The following CSMD2 variants were observed in gnomAD, a reference collection of about 807,000 sequenced individuals.
CSMD2 encodes CUB and Sushi multiple domains 2.
Under a neutral mutation model 398.5 loss-of-function variants are expected in CSMD2, and 130 were observed. The ratio of observed to expected loss-of-function variants is 0.33; its 90% confidence interval spans 0.28 to 0.38. The LOEUF is 0.38. Among genes scored for constraint, CSMD2 ranks in the 10% least tolerant of loss-of-function variants. The probability of loss-of-function intolerance (pLI) is 1.00; values close to 1 mark genes in which losing one functional copy is unlikely to be tolerated. For synonymous variants in CSMD2, 1,828 were observed against 1,908.5 expected, an observed-to-expected ratio of 0.96 and a Z score of 1.10; for missense variants, 3,829 against 4,764.9, an observed-to-expected ratio of 0.80 and a Z score of 5.78.
chr1:33,646,406 T>C (rs1345576202), intron 29 of CSMD2, among the ~76,000 whole-genome samples: 1 of 152,096 alleles, frequency 6.6e-6, no homozygotes, highest in East Asian at 1.9e-4. Flanking sequence ...TGGTTGGAAA[T>C]AGATGAGGTG....
intron 1 of CSMD2, among the ~76,000 whole-genome samples, chr1:34,094,205 T>C (rs1658991990): frequency 6.6e-6 from 1 of 151,098 alleles, no homozygotes; most frequent in Non-Finnish European, 1.5e-5. Context: ...GACAAGCAAA[T>C]GCTGAGAGAT....
rs1013346682 is a variant in CSMD2, at chr1:34,156,668, G to A, written c.187+8243C>T. Among the ~76,000 whole-genome samples the A allele has an allele frequency of 2.0e-5, 3 of 152,162 alleles. 1 individual carries two copies. The highest frequency in any genetic ancestry group is 4.4e-5 in the Non-Finnish European group (3 of 68,032). Reference sequence around the variant, plus strand: ...ATTAGCAGGTAGGAAGGCTATTTGTGTTGCAATATAAGCCCTTATTTTCTG... The same window carrying A: ...ATTAGCAGGTAGGAAGGCTATTTGTATTGCAATATAAGCCCTTATTTTCTG... On this transcript the variant is annotated intron_variant, in intron 1 of 70. Coordinates refer to ENST00000373381, the MANE Select transcript of CSMD2 (RefSeq NM_001281956.2).
chr1:33,788,456 T>C (rs550178993), intron 12 of CSMD2, 144 bp downstream of exon 12: 10 of 574,366 alleles, frequency 1.7e-5, no homozygotes, highest in Non-Finnish European at 2.7e-5. Flanking sequence ...TGTAGTGAGC[T>C]AAGATCGTGC....
chr1:34,093,497 T>G (rs2148384371), intron 1 of CSMD2, among the ~76,000 whole-genome samples: 1 of 151,854 alleles, frequency 6.6e-6, no homozygotes, highest in East Asian at 1.9e-4. Flanking sequence ...GGCAAAGGAG[T>G]TGAAAACTTT....
rs1027351237 is a variant in CSMD2 at position 33,610,722 on chromosome 1, G to T, written c.6343+319C>A. On this transcript the variant is annotated intron_variant, in intron 41 of 70. Transcript: ENST00000373381. ...GTAATTCAGTTTATCAAGCCCGAGG[G>T]GAAGTGACTGGCTGGACAGTTTGGG... 5.3e-5 allele frequency among the ~76,000 whole-genome samples: 8 copies of T among 152,346 alleles called. No homozygotes were observed. In the South Asian group the frequency reaches 6.2e-4, roughly 12 times the overall value.
At chr1:33,658,428 G>A (rs971276011) in intron 26 of CSMD2, among the ~76,000 whole-genome samples, 1 of 152,320 alleles carries the variant, frequency 6.6e-6, no homozygotes. Context: ...GATGCTATGA[G>A]TTAAGCATGA....
intron 25 of CSMD2, 32 bp from the exon 26 acceptor site, chr1:33,663,124 G>C (rs1644194098): frequency 3.2e-6 from 5 of 1,585,412 alleles, no homozygotes; most frequent in Non-Finnish European, 4.3e-6. Context: ...TGGTCATCTG[G>C]ACTCAGCCCT....
chr1:33,943,925 T>TAC (rs57400434), intron 3 of CSMD2, among the ~76,000 whole-genome samples: 5,309 of 144,304 alleles, frequency 0.037, 108 homozygotes, highest in Non-Finnish European at 0.046. Context: ...TAATCAGAAT[T>TAC]ACACACACAC....
intron 2 of CSMD2, among the ~76,000 whole-genome samples, chr1:34,082,358 C>T (rs1374540515): frequency 3.3e-5 from 5 of 151,758 alleles, no homozygotes; most frequent in African/African-American, 1.2e-4. Flanking sequence ...GCCCAGCAGC[C>T]GCCCCGTCTG....
At chr1:34,150,080 T>G (rs1159140852) in intron 1 of CSMD2, among the ~76,000 whole-genome samples, 1 of 126,612 alleles carries the variant, frequency 7.9e-6, no homozygotes, top group African/African-American at 3.2e-5. Flanking sequence ...TTCTTCTTTC[T>G]TTTTTTTTTG....
At chr1:33,904,975 G>GTT (rs35018321) in intron 5 of CSMD2, among the ~76,000 whole-genome samples, 17 of 146,000 alleles carry the variant, frequency 1.2e-4, no homozygotes, top group South Asian at 4.4e-4. Context: ...ATATTTTTCC[G>GTT]TTTTTTTTTT....
At chr1:33,857,962 T>C (rs1009634087) in intron 5 of CSMD2, among the ~76,000 whole-genome samples, 1 of 152,058 alleles carries the variant, frequency 6.6e-6, no homozygotes, top group Admixed American at 6.5e-5. Context: ...CAACCCAGAG[T>C]TGGTCTTGTT....
At chr1:33,569,200 G>A (rs746917724) in intron 52 of CSMD2, among the ~76,000 whole-genome samples, 174 bp downstream of exon 52, 2 of 152,180 alleles carry the variant, frequency 1.3e-5, no homozygotes, top group Non-Finnish European at 2.9e-5. Context: ...TGGCCCAGGA[G>A]AAGCTGTTCC....
intron 24 of CSMD2, among the ~76,000 whole-genome samples, chr1:33,694,107 A>G (rs115663227): frequency 0.026 from 3,891 of 152,276 alleles, 134 homozygotes; most frequent in African/African-American, 0.081. Flanking sequence ...AAGGCTTGCT[A>G]CATGCTACAA....
At chr1:33,576,566 G>A (rs1638257970) in intron 49 of CSMD2, among the ~76,000 whole-genome samples, 1 of 152,154 alleles carries the variant, frequency 6.6e-6, no homozygotes, top group Non-Finnish European at 1.5e-5. Context: ...ACTCCAGCCT[G>A]GGCGACAGAG....
rs1445568832 is a variant in CSMD2, at chr1:34,165,139, C to G, written c.-42G>C. The G allele has an allele frequency of 1.7e-6, 2 of 1,209,990 alleles. No homozygotes were observed. Among genetic ancestry groups the G allele is most frequent in the Non-Finnish European group, 2.1e-6 (2 of 973,786 alleles). The allele number at this position is 1,209,990 out of a possible 1,614,324, so 75.0% of individuals were successfully genotyped here. A position where few individuals can be genotyped will look rare whatever the true frequency, so the allele number is the denominator to read the frequency against. ...CCGAGGGAGAGGCTCCGCTCGCCGC[C>G]GAGGAGAAAGGAGGTCAGGAGAGCT... On this transcript the variant is annotated 5_prime_UTR_variant, in exon 1 of 71. Coordinates refer to ENST00000373381, the MANE Select transcript of CSMD2 (RefSeq NM_001281956.2).
At chr1:34,092,782 T>C (rs574702339) in intron 1 of CSMD2, among the ~76,000 whole-genome samples, 2 of 152,292 alleles carry the variant, frequency 1.3e-5, no homozygotes, top group East Asian at 1.9e-4. Flanking sequence ...CGCTGATTGC[T>C]AGCACAGCAG....
intron 19 of CSMD2, among the ~76,000 whole-genome samples, chr1:33,723,049 G>A (rs1306610137): frequency 2.0e-5 from 3 of 152,112 alleles, no homozygotes; most frequent in African/African-American, 4.8e-5. Flanking sequence ...CACGTACACA[G>A]GCATGTGTGT....
intron 10 of CSMD2, among the ~76,000 whole-genome samples, chr1:33,799,892 C>T (rs1335881346): frequency 6.6e-6 from 1 of 152,222 alleles, no homozygotes; most frequent in Admixed American, 6.5e-5. Context: ...TTCTGCACCT[C>T]CCAGTCAATT....
Sources: allele counts gnomAD v4.1 joint callset (sites outside exome capture counted in the v4.1 genomes callset), GRCh38; gene constraint gnomAD v4.1.1; transcripts MANE v1.5; gene names NCBI Gene and HGNC (gene_info 2026-07-23, HGNC 2026-07-21).